MYCBP2: variants seen among roughly 807,000 people sequenced by gnomAD.
The protein encoded by MYCBP2 is MYC binding protein 2.
A neutral mutation model predicts 525.3 loss-of-function variants in MYCBP2; 120 were observed. That is an observed-to-expected ratio of 0.23 (90% CI 0.20 to 0.27). MYCBP2 has a LOEUF of 0.27. Ranked by LOEUF, MYCBP2 falls within the 10% of genes least tolerant of loss-of-function variation. The pLI is 1.00. For missense variants in MYCBP2, 4,149 were observed against 5,657.1 expected, an observed-to-expected ratio of 0.73 and a Z score of 8.55; for synonymous variants, 1,894 against 1,955.8, an observed-to-expected ratio of 0.97 and a Z score of 0.83.
chr13:77,061,605 A>G lies in MYCBP2; in HGVS notation c.12903+57T>C, dbSNP rs1040374081. Reference sequence around the variant, plus strand: ...CCCTACTACACAAAGCCTCTTTCACACATTTATTTCAAAATTCACTGAACA... The same window carrying G: ...CCCTACTACACAAAGCCTCTTTCACGCATTTATTTCAAAATTCACTGAACA... On this transcript the variant is annotated intron_variant, in intron 75 of 82. Transcript: ENST00000544440. The G allele has an allele frequency of 3.2e-6, 5 of 1,575,706 alleles. No individual in the cohort carries two copies. In the African/African-American group the frequency reaches 5.4e-5, roughly 17 times the overall value.
At chr13:77,315,017 T>A (rs73223464) in intron 1 of MYCBP2, among the ~76,000 whole-genome samples, 1 of 152,316 alleles carries the variant, frequency 6.6e-6, no homozygotes. Flanking sequence ...GATAACTTCA[T>A]GCTAAAAACT....
chr13:77,251,606 A>T (rs1782498306), intron 14 of MYCBP2, among the ~76,000 whole-genome samples: 1 of 152,120 alleles, frequency 6.6e-6, no homozygotes, highest in South Asian at 2.1e-4. Context: ...CCTTCTGTCA[A>T]TCATACTTTT....
intron 3 of MYCBP2, among the ~76,000 whole-genome samples, chr13:77,281,065 A>G (rs1182488992): frequency 6.6e-6 from 1 of 152,308 alleles, no homozygotes; most frequent in South Asian, 2.1e-4. Context: ...GGCTAAGTAT[A>G]AAGTATTTTA....
rs1325544332 is a variant in MYCBP2 at position 77,217,820 on chromosome 13, A to C, written c.3057+20T>G. The C allele has an allele frequency of 6.7e-7, 1 of 1,482,646 alleles. No individual in the cohort carries two copies. Among genetic ancestry groups the C allele is most frequent in the East Asian group, 2.3e-5 (1 of 44,026 alleles). The allele number at this position is 1,482,646 out of a possible 1,614,324, so 91.8% of individuals were successfully genotyped here. On this transcript the variant is annotated intron_variant, in intron 21 of 82. Coordinates refer to ENST00000544440, the MANE Select transcript of MYCBP2 (RefSeq NM_015057.5). ...GCAATGGTATAATGCAATATTATTA[A>C]TGTTTTAAAAATTCCTTACAGAAAA...
chr13:77,187,065 C>T (rs1389218580), intron 30 of MYCBP2, among the ~76,000 whole-genome samples: 1 of 152,116 alleles, frequency 6.6e-6, no homozygotes, highest in African/African-American at 2.4e-5. Context: ...CTGCCTCGGC[C>T]TCCAAAAGTG....
At chr13:77,250,325 C>A (rs562169633) in intron 15 of MYCBP2, among the ~76,000 whole-genome samples, 1 of 152,098 alleles carries the variant, frequency 6.6e-6, no homozygotes, top group East Asian at 1.9e-4. Context: ...GAAATAAACT[C>A]CTATTAGATC....
intron 2 of MYCBP2, among the ~76,000 whole-genome samples, chr13:77,292,787 G>A (rs1187762794): frequency 2.0e-5 from 3 of 151,726 alleles, no homozygotes; most frequent in Non-Finnish European, 4.4e-5. Flanking sequence ...GTGAAATCTT[G>A]TCTCTACTAA....
chr13:77,155,240 C>A, intron 46 of MYCBP2, among the ~76,000 whole-genome samples: 1 of 151,964 alleles, frequency 6.6e-6, no homozygotes, highest in East Asian at 1.9e-4. Flanking sequence ...TACTTCTTCA[C>A]GCTATAAATG....
chr13:77,246,893 CA>C (rs2070126347), intron 15 of MYCBP2, among the ~76,000 whole-genome samples: 1 of 152,116 alleles, frequency 6.6e-6, no homozygotes, highest in Admixed American at 6.5e-5. Flanking sequence ...AATTGATGTA[CA>C]AAAAGCATTT....
chr13:77,314,859 G>C (rs977797245), intron 1 of MYCBP2, among the ~76,000 whole-genome samples: 2 of 152,030 alleles, frequency 1.3e-5, no homozygotes, highest in African/African-American at 2.4e-5. Context: ...CGTGAGTGGG[G>C]GAAAGGGATA....
intron 1 of MYCBP2, among the ~76,000 whole-genome samples, chr13:77,297,055 T>C (rs2078267605): frequency 6.6e-6 from 1 of 152,134 alleles, no homozygotes; most frequent in Non-Finnish European, 1.5e-5. Context: ...AGGGCTACGG[T>C]GCAAAGGGAC....
intron 26 of MYCBP2, among the ~76,000 whole-genome samples, chr13:77,197,431 G>A (rs1593749660): frequency 6.6e-6 from 1 of 152,116 alleles, no homozygotes; most frequent in African/African-American, 2.4e-5. Flanking sequence ...CTAATCATGA[G>A]AGAGAGAGAT....
chr13:77,114,156 A>T (rs559767108), intron 55 of MYCBP2, among the ~76,000 whole-genome samples: 1 of 152,284 alleles, frequency 6.6e-6, no homozygotes, highest in Admixed American at 6.5e-5. Flanking sequence ...TAAGAATCTT[A>T]AAATAGGTAA....
chr13:77,205,402 A>T lies in MYCBP2; in HGVS notation c.3716-19T>A. ...CCATGACCTAGAATATATAAATCAT[A>T]ATCTATGTTTTAAAAGATCCATATA... On this transcript the variant is annotated intron_variant, in intron 25 of 82. Transcript: ENST00000544440. The T allele has an allele frequency of 1.2e-6, 2 of 1,612,020 alleles. No homozygotes were observed. Among genetic ancestry groups the T allele is most frequent in the Non-Finnish European group, 8.5e-7 (1 of 1,179,202 alleles).
chr13:77,181,668 C>T (rs538575741), intron 33 of MYCBP2, 33 bp downstream of exon 33: 63 of 1,556,934 alleles, frequency 4.0e-5, no homozygotes, highest in Admixed American at 2.0e-4. Flanking sequence ...AGTTTTAGTG[C>T]CTCTGTATAA....
intron 2 of MYCBP2, 149 bp from the exon 3 acceptor site, chr13:77,288,525 C>A (rs2077127001): frequency 1.0e-5 from 7 of 686,892 alleles, no homozygotes; most frequent in South Asian, 1.9e-5. Flanking sequence ...ATGGACCCAA[C>A]TTCTAGTCCC....
At chr13:77,159,310 G>C (rs146085110) in intron 44 of MYCBP2, among the ~76,000 whole-genome samples, 1 of 151,868 alleles carries the variant, frequency 6.6e-6, no homozygotes, top group East Asian at 1.9e-4. Context: ...CTAACAAATA[G>C]TAAGTGTTTA....
chr13:77,306,643 T>C (rs2079458603), intron 1 of MYCBP2, among the ~76,000 whole-genome samples: 2 of 152,326 alleles, frequency 1.3e-5, no homozygotes, highest in East Asian at 1.9e-4. Flanking sequence ...ATTTGTACTC[T>C]TAAGTAAACA....
At chr13:77,290,095 A>G (rs1445801288) in intron 2 of MYCBP2, among the ~76,000 whole-genome samples, 1 of 152,204 alleles carries the variant, frequency 6.6e-6, no homozygotes, top group African/African-American at 2.4e-5. Context: ...TATAGAAGAT[A>G]TTTACACAAA....
Sources: gnomAD v4.1 joint callset for allele counts (sites outside exome capture counted in the v4.1 genomes callset) on GRCh38, gnomAD v4.1.1 for gene constraint, MANE v1.5 for transcripts, NCBI Gene and HGNC (gene_info 2026-07-23, HGNC 2026-07-21) for gene names.